The following BST1 variants were observed in gnomAD, a reference collection of about 807,000 sequenced individuals.
BST1 encodes the protein bone marrow stromal cell antigen 1.
A neutral mutation model predicts 40.6 loss-of-function variants in BST1; 49 were observed. The ratio of observed to expected loss-of-function variants is 1.21; its 90% CI spans 0.96 to 1.53. BST1 has a LOEUF of 1.53. BST1 is among the 40% of genes most tolerant of loss of function. The pLI, the probability that BST1 is intolerant of heterozygous loss-of-function variation, is 0.00. For missense variants in BST1, 423 were observed against 395.9 expected (o/e 1.07, Z -0.58); for synonymous variants, 157 against 159.3 (o/e 0.99, Z 0.11).
At position 15,731,769 on chromosome 4, in the gene BST1, CAA is replaced by C; in HGVS notation, c.882_883del (p.Thr298ArgfsTer70). ...GCAGCCGCTACTCAAAGAAAAGCCC[CAA>C]GTCTTTATACAGAACAAAGGGCGGG... is the stretch of plus-strand genomic sequence containing the variant. On this transcript the variant is annotated frameshift_variant, in exon 9 of 9. Transcript: ENST00000265016. LOFTEE classifies it low-confidence loss of function (END_TRUNC). The C allele has an allele frequency of 6.2e-7, 1 of 1,613,550 alleles. No individual in the cohort carries two copies. The highest frequency in any genetic ancestry group is 8.5e-7 in the Non-Finnish European group (1 of 1,179,816).
At chr4:15,739,789 G>A (rs1217422516), downstream of BST1, among the ~76,000 whole-genome samples, 1 of 152,054 alleles carries the variant, frequency 6.6e-6, no homozygotes, top group Non-Finnish European at 1.5e-5. Context: ...AAAAAGATGT[G>A]TACAGAAATA....
the BST1 span, among the ~76,000 whole-genome samples, chr4:15,747,912 A>C: frequency 6.6e-6 from 1 of 152,170 alleles, no homozygotes; most frequent in South Asian, 2.1e-4. Flanking sequence ...CCTGGCCTCA[A>C]GCAATCCTTC....
chr4:15,770,429 G>A, the BST1 span, among the ~76,000 whole-genome samples: 5 of 152,260 alleles, frequency 3.3e-5, no homozygotes, highest in East Asian at 5.8e-4. Flanking sequence ...TCCGGGCCAG[G>A]TGTGGTGGCT....
At chr4:15,703,782 G>A (rs554974350) in intron 1 of BST1, among the ~76,000 whole-genome samples, 1 of 147,318 alleles carries the variant, frequency 6.8e-6, no homozygotes, top group South Asian at 2.2e-4. Flanking sequence ...GGTGAGATGT[G>A]TGTGTGTGTT....
the BST1 span, among the ~76,000 whole-genome samples, chr4:15,749,310 C>T: frequency 1.3e-5 from 2 of 152,268 alleles, no homozygotes; most frequent in South Asian, 2.1e-4. Context: ...TGAATAAGCA[C>T]GAGACACCAG....
At chr4:15,731,360 T>C (rs1180175284) in intron 8 of BST1, 6 of 508,102 alleles carry the variant, frequency 1.2e-5, no homozygotes, top group Middle Eastern at 6.0e-4. Context: ...GTTTTTTCAG[T>C]ACCTCGTTTT....
chr4:15,770,187 A>T, the BST1 span, among the ~76,000 whole-genome samples: 1 of 152,128 alleles, frequency 6.6e-6, no homozygotes, highest in Non-Finnish European at 1.5e-5. Flanking sequence ...ATGACTAATG[A>T]AGTTGACCAA....
At chr4:15,747,959 G>A in the BST1 span, among the ~76,000 whole-genome samples, 1 of 152,228 alleles carries the variant, frequency 6.6e-6, no homozygotes, top group Admixed American at 6.5e-5. Context: ...TTACAGGCAT[G>A]AGCCACTGTG....
downstream of BST1, among the ~76,000 whole-genome samples, chr4:15,734,426 A>G (rs10007824): frequency 0.86 from 130,927 of 152,188 alleles, 56,785 homozygotes; most frequent in East Asian, 0.99. Flanking sequence ...AAACTTAATT[A>G]TATGATGAAA....
chr4:15,765,182 A>G, the BST1 span, among the ~76,000 whole-genome samples: 1 of 151,950 alleles, frequency 6.6e-6, no homozygotes, highest in African/African-American at 2.4e-5. Flanking sequence ...CATACCTCCA[A>G]TGAATTCTCC....
chr4:15,712,775 T>C (rs1720289724), intron 4 of BST1, among the ~76,000 whole-genome samples: 1 of 152,218 alleles, frequency 6.6e-6, no homozygotes, highest in Non-Finnish European at 1.5e-5. Flanking sequence ...TGTGCTCTGC[T>C]GCCCACCCCA....
rs57896911 is a variant in BST1, at chr4:15,724,704, AAGAG to A, written c.851+1788_851+1791del. Among the ~76,000 whole-genome samples the A allele has an allele frequency of 4.0e-4, 60 of 150,554 alleles. 1 individual carries two copies. In the South Asian group the frequency reaches 4.6e-3, roughly 12 times the overall value. On this transcript the variant is annotated intron_variant, in intron 8 of 8. Coordinates refer to ENST00000265016, the MANE Select transcript of BST1 (RefSeq NM_004334.3). Reference sequence around the variant, plus strand: ...TCCATCTCAAAAAATAAAATAAAATAAGAGAGAGAGAGAGAGAGAGAAAGAGAGC... The same window carrying A: ...TCCATCTCAAAAAATAAAATAAAATAAGAGAGAGAGAGAGAGAAAGAGAGC...
rs534666557 is a variant in BST1 at position 15,707,755 on chromosome 4, G to A, written c.451+109G>A. ...ATTTATTTCACTTGATCCTCTCCAA[G>A]TCCTCTGAGATAAGTGGCAAGAATA... On this transcript the variant is annotated intron_variant, in intron 3 of 8. Coordinates refer to ENST00000265016, the MANE Select transcript of BST1 (RefSeq NM_004334.3). The A allele has an allele frequency of 4.1e-5, 55 of 1,352,630 alleles. No homozygotes were observed. In the African/African-American group the frequency reaches 7.8e-4, roughly 19 times the overall value. The allele number at this position is 1,352,630 out of a possible 1,614,324, so 83.8% of individuals were successfully genotyped here.
At chr4:15,742,789 C>T (rs1038523297), downstream of BST1, among the ~76,000 whole-genome samples, 63 of 152,342 alleles carry the variant, frequency 4.1e-4, no homozygotes, top group African/African-American at 1.5e-3. Context: ...GGGGTTGAAG[C>T]CTGCTGGGGA....
At chr4:15,773,060 A>G in the BST1 span, among the ~76,000 whole-genome samples, 2 of 152,230 alleles carry the variant, frequency 1.3e-5, no homozygotes, top group African/African-American at 4.8e-5. Flanking sequence ...TGGTATAGAC[A>G]ATACATGGAG....
the BST1 span, among the ~76,000 whole-genome samples, chr4:15,761,783 C>T: frequency 6.6e-6 from 1 of 152,060 alleles, no homozygotes; most frequent in African/African-American, 2.4e-5. Flanking sequence ...GAACCCAGCC[C>T]ACAGCCAGGT....
the BST1 span, among the ~76,000 whole-genome samples, chr4:15,752,816 T>C: frequency 6.6e-6 from 1 of 152,284 alleles, no homozygotes; most frequent in African/African-American, 2.4e-5. Context: ...TTGCAGGCTA[T>C]TTCACTGGCT....
intron 7 of BST1, among the ~76,000 whole-genome samples, chr4:15,722,607 T>A (rs1218209042): frequency 2.0e-5 from 3 of 149,984 alleles, no homozygotes; most frequent in African/African-American, 7.4e-5. Flanking sequence ...TTTTTTTTTT[T>A]TTTTTTGTAG....
intron 8 of BST1, chr4:15,731,476 C>T: frequency 2.2e-6 from 2 of 924,520 alleles, no homozygotes; most frequent in Non-Finnish European, 3.5e-6. Flanking sequence ...CTGACGGTGC[C>T]CGAGAAGCGC....
Sources: allele counts gnomAD v4.1 joint callset (sites outside exome capture counted in the v4.1 genomes callset), GRCh38; gene constraint gnomAD v4.1.1; transcripts MANE v1.5; gene names NCBI Gene and HGNC (gene_info 2026-07-23, HGNC 2026-07-21).